Variants in ADARB1 observed in about 807,000 individuals in gnomAD.
ADARB1 encodes the protein double-stranded RNA-specific editase 1.
ADARB1 carries 10 observed loss-of-function variants against 52.4 expected under a neutral mutation model. That is an observed-to-expected ratio of 0.19 (90% CI 0.12 to 0.32). The LOEUF is 0.32. ADARB1 is among the 10% of genes least tolerant of loss of function. The pLI is 1.00. For missense variants in ADARB1, 643 were observed against 922.3 expected (o/e 0.70, Z 3.92); for synonymous variants, 349 against 371.1 (o/e 0.94, Z 0.68).
intron 1 of ADARB1, among the ~76,000 whole-genome samples, chr21:45,117,715 C>A (rs2087911419): frequency 6.6e-6 from 1 of 152,108 alleles, no homozygotes. Flanking sequence ...GATAAGGGGG[C>A]CCTTTTAATG....
chr21:45,086,451 T>C (rs2086347645), intron 1 of ADARB1, among the ~76,000 whole-genome samples: 2 of 152,200 alleles, frequency 1.3e-5, no homozygotes, highest in South Asian at 4.1e-4. Context: ...TGAACACTCC[T>C]GTCACCTCAA....
At position 45,183,525 on chromosome 21, in the gene ADARB1, T is replaced by C. The variant is rs1247401636; in HGVS notation, c.1396+15T>C. The C allele has an allele frequency of 1.9e-6, 3 of 1,610,344 alleles. No individual in the cohort carries two copies. The Admixed American group carries it at 5.1e-5, about 27-fold the overall frequency. On this transcript the variant is annotated intron_variant, in intron 7 of 10. Transcript: ENST00000348831. ...AATCCTGGAAGGTATGAGACGAGAT[T>C]CTTCAACAAGCCAGTTTCTCAAGAA... is the stretch of plus-strand genomic sequence containing the variant.
At chr21:45,086,270 T>C (rs1568994049) in intron 1 of ADARB1, among the ~76,000 whole-genome samples, 1 of 152,252 alleles carries the variant, frequency 6.6e-6, no homozygotes, top group East Asian at 1.9e-4. Flanking sequence ...AGTCTTCACC[T>C]TTTTAGAATG....
intron 5 of ADARB1, among the ~76,000 whole-genome samples, chr21:45,181,968 G>A (rs764572732): frequency 9.8e-5 from 15 of 152,356 alleles, no homozygotes; most frequent in South Asian, 4.1e-4. Flanking sequence ...CGAGTTTCCC[G>A]GCAGGTGACT....
rs149175040 is a variant in ADARB1 at position 45,100,462 on chromosome 21, C to T, written c.-220+25669C>T. ...CTGCCCTTCCCAGCTCTACCCAGAA[C>T]AAGGAGGCCTCGCACACTACCTGGT... On this transcript the variant is annotated intron_variant, in intron 1 of 10. Coordinates refer to ENST00000348831, the MANE Select transcript of ADARB1 (RefSeq NM_001112.4). 174 of 152,382 alleles carry T rather than the reference C, an allele frequency of 1.1e-3. 2 individuals carry two copies. The highest frequency in any genetic ancestry group is 4.1e-3 in the African/African-American group (169 of 41,576). 9.4% of individuals were successfully genotyped at this position (152,382 alleles called of 1,614,324 possible).
rs1024879353 is a variant in ADARB1 at position 45,142,784 on chromosome 21, G to T, written c.-48+14211G>T. Among the ~76,000 whole-genome samples the T allele has an allele frequency of 6.6e-6, 1 of 152,212 alleles. No individual in the cohort carries two copies. Among genetic ancestry groups the T allele is most frequent in the Non-Finnish European group, 1.5e-5 (1 of 68,032 alleles). Reference sequence around the variant, plus strand: ...CAGGGGTGTGGCCTGGCTCCGTCATGTGTTTTGCAGGGGGATCTGAGGGGC... The same window carrying T: ...CAGGGGTGTGGCCTGGCTCCGTCATTTGTTTTGCAGGGGGATCTGAGGGGC... On this transcript the variant is annotated intron_variant, in intron 2 of 10. Transcript: ENST00000348831. This position sits in a 1 kb window ranked among gnomAD's most constrained non-coding sequence, Gnocchi z 4.0.
chr21:45,185,256 G>GAA (rs2092063523), intron 8 of ADARB1, among the ~76,000 whole-genome samples, 165 bp downstream of exon 8: 2 of 152,204 alleles, frequency 1.3e-5, no homozygotes, highest in Non-Finnish European at 2.9e-5. Flanking sequence ...GTGCTGCTGG[G>GAA]ACCCCCGTGA....
At chr21:45,080,559 C>T (rs982063283) in intron 1 of ADARB1, among the ~76,000 whole-genome samples, 5 of 152,202 alleles carry the variant, frequency 3.3e-5, no homozygotes, top group African/African-American at 7.2e-5. Flanking sequence ...CTAAAAAGTT[C>T]GGAATCTCAC....
intron 2 of ADARB1, among the ~76,000 whole-genome samples, chr21:45,133,004 C>T (rs2089051928): frequency 6.6e-6 from 1 of 152,232 alleles, no homozygotes; most frequent in Non-Finnish European, 1.5e-5. Context: ...AGTCTTCCTT[C>T]CTTCCTGTCT....
intron 2 of ADARB1, among the ~76,000 whole-genome samples, chr21:45,163,481 G>C (rs2091085175): frequency 6.6e-6 from 1 of 152,214 alleles, no homozygotes; most frequent in African/African-American, 2.4e-5. Context: ...AGGCCAGCGG[G>C]GGAGTGAGCG....
chr21:45,168,965 G>A (rs767455022), intron 2 of ADARB1, among the ~76,000 whole-genome samples: 7 of 152,202 alleles, frequency 4.6e-5, no homozygotes, highest in Admixed American at 2.6e-4. Flanking sequence ...CATACACCAC[G>A]GTGTCAGAGG....
intron 1 of ADARB1, among the ~76,000 whole-genome samples, chr21:45,096,277 C>T (rs139087697): frequency 2.3e-4 from 35 of 152,238 alleles, no homozygotes; most frequent in African/African-American, 7.0e-4. Context: ...GGAAAGAGTG[C>T]GTGAGTTGGA....
intron 1 of ADARB1, among the ~76,000 whole-genome samples, chr21:45,087,397 C>G (rs1457511427): frequency 6.6e-6 from 1 of 152,136 alleles, no homozygotes; most frequent in Non-Finnish European, 1.5e-5. Flanking sequence ...GAGGCAAGTA[C>G]CAAAGAACAT....
At chr21:45,207,667 C>A (rs1239286541) in intron 9 of ADARB1, among the ~76,000 whole-genome samples, 1 of 152,218 alleles carries the variant, frequency 6.6e-6, no homozygotes, top group Non-Finnish European at 1.5e-5. Flanking sequence ...TTGCTGTGCA[C>A]CTGCACTGTG....
At chr21:45,075,731 T>C (rs2085906083) in intron 1 of ADARB1, among the ~76,000 whole-genome samples, 2 of 152,230 alleles carry the variant, frequency 1.3e-5, no homozygotes, top group Admixed American at 1.3e-4. Flanking sequence ...AACGTGTTCC[T>C]GTCCAGGTTT....
In ADARB1 at chr21:45,182,164, ACCCCTCCTTCC is replaced by A. The variant is rs1308054540; in HGVS notation, c.1079-420_1079-410del. Among the ~76,000 whole-genome samples, 91 of 152,284 alleles carry A rather than the reference ACCCCTCCTTCC, an allele frequency of 6.0e-4. 1 individual carries two copies. The East Asian group carries it at 0.015, about 26-fold the overall frequency. On this transcript the variant is annotated intron_variant, in intron 5 of 10. Transcript: ENST00000348831. The stretch of plus-strand genomic sequence containing the variant: ...CTTCTTATTCCTCTGGGTGCCGTTA[ACCCCTCCTTCC>A]TAATCTCTTCAGTACTTTGATATTT...
At chr21:45,140,619 CTGTG>C (rs369109484) in intron 2 of ADARB1, among the ~76,000 whole-genome samples, 2 of 151,820 alleles carry the variant, frequency 1.3e-5, no homozygotes, top group Non-Finnish European at 1.5e-5. Flanking sequence ...TTTACACCAT[CTGTG>C]TGTGTGTGCG....
intron 3 of ADARB1, 44 bp from the exon 4 acceptor site, chr21:45,175,686 C>A (rs931367429): frequency 4.4e-6 from 7 of 1,596,680 alleles, no homozygotes; most frequent in Non-Finnish European, 6.0e-6. Context: ...TTTACAAGAT[C>A]CTGCAACGAA....
intron 1 of ADARB1, among the ~76,000 whole-genome samples, chr21:45,091,695 CAT>C (rs1394565411): frequency 1.3e-5 from 2 of 152,204 alleles, no homozygotes; most frequent in Non-Finnish European, 2.9e-5. Context: ...AGCATTGCCA[CAT>C]GTTTGCTCAT....
Sources: gnomAD v4.1 joint callset for allele counts (sites outside exome capture counted in the v4.1 genomes callset) on GRCh38, gnomAD v4.1.1 for gene constraint, Gnocchi (gnomAD v3.1) non-coding constraint, MANE v1.5 for transcripts, NCBI Gene and HGNC (gene_info 2026-07-23, HGNC 2026-07-21) for gene names.